Variants in KYNU observed in about 807,000 individuals in gnomAD.
KYNU encodes L-kynurenine hydrolase.
A neutral mutation model predicts 59.2 loss-of-function variants in KYNU; 54 were observed. That is an observed-to-expected ratio of 0.91 (90% CI 0.73 to 1.14). KYNU has a LOEUF of 1.14. Ranked by LOEUF, KYNU falls within the 50% of genes most tolerant of loss-of-function variation. The probability of loss-of-function intolerance (pLI) is 0.00; values close to 1 mark genes in which losing one functional copy is unlikely to be tolerated. For missense variants in KYNU, 567 were observed against 554.4 expected (o/e 1.02, Z -0.23); for synonymous variants, 177 against 192.0 (o/e 0.92, Z 0.65).
intron 12 of KYNU, among the ~76,000 whole-genome samples, chr2:143,037,797 A>C (rs949830516): frequency 1.1e-4 from 17 of 152,194 alleles, no homozygotes; most frequent in African/African-American, 4.1e-4. Context: ...CAAAAAAGAA[A>C]ATAGAATATT....
intron 2 of KYNU, among the ~76,000 whole-genome samples, chr2:142,913,522 T>C (rs772052916): frequency 5.9e-5 from 9 of 152,236 alleles, no homozygotes; most frequent in African/African-American, 7.2e-5. Flanking sequence ...CTTCTTGGTA[T>C]TGATTTCTAC....
intron 10 of KYNU, among the ~76,000 whole-genome samples, chr2:143,012,085 A>G (rs980257907): frequency 4.4e-4 from 66 of 151,678 alleles, no homozygotes; most frequent in African/African-American, 1.6e-3. Flanking sequence ...AAAAGAAAAT[A>G]CACTGGTTGT....
intron 4 of KYNU, among the ~76,000 whole-genome samples, chr2:142,939,988 C>T (rs1485825097): frequency 6.6e-6 from 1 of 152,164 alleles, no homozygotes; most frequent in East Asian, 1.9e-4. Flanking sequence ...GAATCTCCTC[C>T]CACACCAGTG....
At chr2:143,026,106 G>A (rs1686546288) in intron 10 of KYNU, among the ~76,000 whole-genome samples, 2 of 152,018 alleles carry the variant, frequency 1.3e-5, no homozygotes, top group African/African-American at 4.8e-5. Flanking sequence ...TAGGAATAAA[G>A]CATAAATTAA....
intron 4 of KYNU, among the ~76,000 whole-genome samples, chr2:142,931,751 T>A (rs986589360): frequency 1.3e-5 from 2 of 152,110 alleles, no homozygotes; most frequent in African/African-American, 4.8e-5. Context: ...CAGATTTAGT[T>A]TTTTCAACTT....
chr2:143,015,713 CAT>C (rs1338107248), intron 10 of KYNU, among the ~76,000 whole-genome samples: 1 of 151,846 alleles, frequency 6.6e-6, no homozygotes, highest in Non-Finnish European at 1.5e-5. Flanking sequence ...GAAATATAAA[CAT>C]AGATTTGTGA....
rs1218946646 is a variant in KYNU at position 143,055,562 on chromosome 2, T to G, written c.*13390T>G. ...ACAATCACAATTCCTCTTTGCCATA[T>G]AATGTAAAATATTCATACCTCTAAG... On this transcript the variant is annotated 3_prime_UTR_variant, in exon 14 of 14. Transcript: ENST00000264170. 7 of 151,944 alleles carry G rather than the reference T, an allele frequency of 4.6e-5. No individual in the cohort carries two copies. Among genetic ancestry groups the G allele is most frequent in the Admixed American group, 4.6e-4 (7 of 15,220 alleles). The allele number at this position is 151,944 out of a possible 1,614,324, so 9.4% of individuals were successfully genotyped here.
In KYNU at chr2:142,918,630, A is replaced by G; in HGVS notation, c.191A>G (p.Lys64Arg). ...TCAGTTGATTTATCATTAGTGAATA[A>G]AGATGAAAATGCCATCTATTTCTTG... Reference protein sequence around the residue: ...LPPVDLSLVNKDENAIYFLGN... With the variant: ...LPPVDLSLVNRDENAIYFLGN... The change falls in exon 3 of 14, where the codon AAA becomes AGA. Residue 64 changes from lysine (K) to arginine (R), a missense_variant. Lys to Arg is a conservative substitution (Grantham distance 26). Coordinates refer to ENST00000264170, the MANE Select transcript of KYNU (RefSeq NM_003937.3). The G allele has an allele frequency of 6.2e-7, 1 of 1,604,638 alleles. No individual in the cohort carries two copies. The highest frequency in any genetic ancestry group is 1.1e-5 in the South Asian group (1 of 89,126).
chr2:142,944,814 T>A (rs774209511), intron 4 of KYNU, among the ~76,000 whole-genome samples: 7 of 152,328 alleles, frequency 4.6e-5, no homozygotes, highest in Non-Finnish European at 7.4e-5. Context: ...TCAAAGATAT[T>A]GTGGCTTGGT....
At chr2:142,919,728 G>GT (rs1392127134) in intron 3 of KYNU, among the ~76,000 whole-genome samples, 1 of 152,174 alleles carries the variant, frequency 6.6e-6, no homozygotes, top group African/African-American at 2.4e-5. Flanking sequence ...GAGGCCAAGA[G>GT]TTTGAGACCA....
Position 142,900,632 on chromosome 2 carries a change from T to C in KYNU, c.169+15096T>C, listed in dbSNP as rs139620973. ...AGATGGATGCGGTCACCTTCCCAGC[T>C]AGGCTTAGGAATTCTTAGTCGGCCT... On this transcript the variant is annotated intron_variant, in intron 2 of 13. Coordinates refer to ENST00000264170, the MANE Select transcript of KYNU (RefSeq NM_003937.3). Among the ~76,000 whole-genome samples the C allele has an allele frequency of 2.9e-3, 438 of 152,324 alleles. 1 individual carries two copies. Among genetic ancestry groups the C allele is most frequent in the African/African-American group, 9.5e-3 (396 of 41,574 alleles).
chr2:143,004,589 C>T (rs1243988325), intron 10 of KYNU, among the ~76,000 whole-genome samples: 2 of 151,972 alleles, frequency 1.3e-5, no homozygotes, highest in Non-Finnish European at 2.9e-5. Flanking sequence ...TGTGCGCCAC[C>T]ACTCGGGAGG....
intron 12 of KYNU, among the ~76,000 whole-genome samples, chr2:143,038,606 A>C (rs775767884): frequency 6.6e-6 from 1 of 152,130 alleles, no homozygotes; most frequent in African/African-American, 2.4e-5. Flanking sequence ...TGTAGACTTC[A>C]GACATTGTCT....
At position 142,988,047 on chromosome 2, in the gene KYNU, CTCTTT is replaced by C. The variant is rs1685272534; in HGVS notation, c.902+2032_902+2036del. Among the ~76,000 whole-genome samples, 7 of 151,786 alleles carry C rather than the reference CTCTTT, an allele frequency of 4.6e-5. No individual in the cohort carries two copies. The South Asian group carries it at 1.5e-3, about 31-fold the overall frequency. On this transcript the variant is annotated intron_variant, in intron 10 of 13. Coordinates refer to ENST00000264170, the MANE Select transcript of KYNU (RefSeq NM_003937.3). The stretch of plus-strand genomic sequence containing the variant: ...CTGCAAAACCATGAACAAATTAAAC[CTCTTT>C]TCTTTATAAATTACCCAGTCTCAGG...
At chr2:142,889,698 T>C (rs1187929888) in intron 2 of KYNU, among the ~76,000 whole-genome samples, 3 of 152,222 alleles carry the variant, frequency 2.0e-5, no homozygotes, top group African/African-American at 4.8e-5. Flanking sequence ...GAAACCAGTG[T>C]TCCCTATCTT....
rs573016275 is a variant in KYNU, at chr2:143,043,971, G to A, written c.*1799G>A. 6.6e-6 allele frequency: 1 copy of A among 151,796 alleles called. No homozygotes were observed. The highest frequency in any genetic ancestry group is 2.4e-5 in the African/African-American group (1 of 41,428). The allele number at this position is 151,796 out of a possible 1,614,324, so 9.4% of individuals were successfully genotyped here. ...ATCTACATCAGGTATTTCTCCTAAT[G>A]CTCACCCTCCTCTTATCCCCAACTA... On this transcript the variant is annotated 3_prime_UTR_variant, in exon 14 of 14. Transcript: ENST00000264170.
intron 4 of KYNU, among the ~76,000 whole-genome samples, chr2:142,932,409 A>G (rs943984270): frequency 2.6e-5 from 4 of 151,746 alleles, no homozygotes; most frequent in Non-Finnish European, 2.9e-5. Context: ...TCATAGGGCT[A>G]TTTGTTTCAC....
intron 10 of KYNU, among the ~76,000 whole-genome samples, chr2:142,995,057 T>C (rs989538741): frequency 3.3e-5 from 5 of 152,116 alleles, no homozygotes; most frequent in Non-Finnish European, 7.4e-5. Context: ...TAGAAAACTT[T>C]CTGTTCTTGG....
intron 2 of KYNU, among the ~76,000 whole-genome samples, chr2:142,914,470 G>C (rs1299413359): frequency 6.6e-6 from 1 of 152,124 alleles, no homozygotes; most frequent in Admixed American, 6.6e-5. Flanking sequence ...TTCCAGATTG[G>C]AAAACTGCCC....
Sources: gnomAD v4.1 joint callset for allele counts (sites outside exome capture counted in the v4.1 genomes callset) on GRCh38, gnomAD v4.1.1 for gene constraint, MANE v1.5 for transcripts, NCBI Gene and HGNC (gene_info 2026-07-23, HGNC 2026-07-21) for gene names.